The following TRPC7 variants were observed in gnomAD, a reference collection of about 807,000 sequenced individuals.
The protein encoded by TRPC7 is transient receptor potential cation channel subfamily C member 7.
TRPC7 carries 42 observed loss-of-function variants against 90.1 expected under a neutral mutation model. The ratio of observed to expected loss-of-function variants is 0.47; its 90% CI spans 0.36 to 0.60. The LOEUF (loss-of-function observed/expected upper bound fraction) is 0.60. Ranked by LOEUF, TRPC7 falls within the 20% of genes least tolerant of loss-of-function variation. TRPC7 has a pLI of 0.00. For missense variants in TRPC7, 955 were observed against 1,112.3 expected (o/e 0.86, Z 2.01); for synonymous variants, 451 against 436.3 (o/e 1.03, Z -0.42).
chr5:136,365,262 G>T lies in TRPC7; in HGVS notation c.-8C>A. The T allele has an allele frequency of 6.5e-7, 1 of 1,537,174 alleles. No homozygotes were observed. Among genetic ancestry groups the T allele is most frequent in the Non-Finnish European group, 8.7e-7 (1 of 1,146,856 alleles). On this transcript the variant is annotated 5_prime_UTR_variant, in exon 1 of 12. Transcript: ENST00000513104. ...CATCATAGCTGCTTACATTGAGGGTGTAATACGCAGGCTTGTTCCTCCTCT... is the reference window on the plus strand; with the variant it reads ...CATCATAGCTGCTTACATTGAGGGTTTAATACGCAGGCTTGTTCCTCCTCT...
chr5:136,215,162 T>C (rs1755223228), intron 11 of TRPC7, among the ~76,000 whole-genome samples: 1 of 152,044 alleles, frequency 6.6e-6, no homozygotes, highest in Admixed American at 6.6e-5. Flanking sequence ...GCTGAGAACC[T>C]CCCACTGAGA....
At chr5:136,348,090 T>C (rs1760068952) in intron 2 of TRPC7, among the ~76,000 whole-genome samples, 1 of 152,218 alleles carries the variant, frequency 6.6e-6, no homozygotes, top group South Asian at 2.1e-4. Context: ...TCTTGTGCTC[T>C]CCAGTCCATT....
Position 136,237,729 on chromosome 5 carries a change from A to C in TRPC7, c.1845-6180T>G, listed in dbSNP as rs376037234. Among the ~76,000 whole-genome samples, 4 of 152,350 alleles carry C rather than the reference A, an allele frequency of 2.6e-5. No individual in the cohort carries two copies. In the East Asian group the frequency reaches 7.7e-4, roughly 29 times the overall value. On this transcript the variant is annotated intron_variant, in intron 7 of 11. Coordinates refer to ENST00000513104, the MANE Select transcript of TRPC7 (RefSeq NM_020389.3). ...TAATGGAATGCTTGTGAAATGCATAAATTACTGCCTGGCACATACTAATTG... is the reference window on the plus strand; with the variant it reads ...TAATGGAATGCTTGTGAAATGCATACATTACTGCCTGGCACATACTAATTG...
At chr5:136,281,590 GC>G (rs1757551567) in intron 3 of TRPC7, among the ~76,000 whole-genome samples, 1 of 152,188 alleles carries the variant, frequency 6.6e-6, no homozygotes, top group African/African-American at 2.4e-5. Flanking sequence ...TGGTGGCTGT[GC>G]TGTGCCTTGG....
Position 136,251,753 on chromosome 5 carries a change from G to T in TRPC7, c.1475C>A (p.Ala492Asp). Residue 492 changes from alanine (A) to aspartate (D), a missense_variant, in exon 6 of 12, where the codon GCC becomes GAC. This residue lies in a region of TRPC7 where 484 missense variants were observed against 509.6 expected (regional missense o/e 0.95). Coordinates refer to ENST00000513104, the MANE Select transcript of TRPC7 (RefSeq NM_020389.3). ...CTGTGCCTCCGTGGCCTTCAGGAAG[G>T]CCATGAAGCGTGCTGTGAAGGAGGC... ...FVASFTARFM[A>D]FLKATEAQLY... The T allele has an allele frequency of 6.2e-7, 1 of 1,613,962 alleles. No individual in the cohort carries two copies. Among genetic ancestry groups the T allele is most frequent in the South Asian group, 1.1e-5 (1 of 91,064 alleles).
intron 3 of TRPC7, among the ~76,000 whole-genome samples, chr5:136,296,524 C>T (rs1041641268): frequency 2.0e-4 from 31 of 152,082 alleles, no homozygotes; most frequent in African/African-American, 6.5e-4. Flanking sequence ...GAATGCTCAA[C>T]AGTAGAGAAA....
chr5:136,287,194 A>C (rs907424438), intron 3 of TRPC7, among the ~76,000 whole-genome samples: 3 of 152,010 alleles, frequency 2.0e-5, no homozygotes, highest in East Asian at 3.9e-4. Context: ...ATCATAGAAG[A>C]ATGAGTGACG....
At chr5:136,228,180 G>A (rs375324752) in intron 8 of TRPC7, among the ~76,000 whole-genome samples, 2 of 152,158 alleles carry the variant, frequency 1.3e-5, no homozygotes, top group Admixed American at 1.3e-4. Context: ...AGAGCTGGAG[G>A]AGGGTCTAGG....
chr5:136,335,692 A>AC (rs1759634759), intron 2 of TRPC7, among the ~76,000 whole-genome samples: 2 of 151,876 alleles, frequency 1.3e-5, no homozygotes, highest in African/African-American at 4.8e-5. Context: ...TCACGAGGTC[A>AC]GGAGATCGAG....
chr5:136,329,727 G>A (rs749147231), intron 2 of TRPC7, among the ~76,000 whole-genome samples: 5 of 152,134 alleles, frequency 3.3e-5, no homozygotes, highest in Non-Finnish European at 7.3e-5. Flanking sequence ...TCATAAATAG[G>A]CGTGGATATG....
chr5:136,236,144 G>A (rs1755971086), intron 7 of TRPC7, among the ~76,000 whole-genome samples: 1 of 152,216 alleles, frequency 6.6e-6, no homozygotes, highest in Non-Finnish European at 1.5e-5. Flanking sequence ...ACCAGGCGAT[G>A]AGGATACACA....
chr5:136,308,169 T>C (rs2149835598), intron 3 of TRPC7, among the ~76,000 whole-genome samples: 1 of 152,332 alleles, frequency 6.6e-6, no homozygotes, highest in Admixed American at 6.5e-5. Context: ...AATTCTTCTT[T>C]CTCTTCGGAA....
intron 10 of TRPC7, among the ~76,000 whole-genome samples, chr5:136,218,695 C>G (rs1427060163): frequency 6.6e-6 from 1 of 152,146 alleles, no homozygotes; most frequent in Non-Finnish European, 1.5e-5. Context: ...CTCTATTTGG[C>G]TGGGATAGGT....
At chr5:136,346,560 A>G (rs1012889290) in intron 2 of TRPC7, among the ~76,000 whole-genome samples, 3 of 152,196 alleles carry the variant, frequency 2.0e-5, no homozygotes, top group Admixed American at 2.0e-4. Flanking sequence ...ATGTACACAT[A>G]CACACAACAC....
chr5:136,267,029 A>G (rs1237571341), intron 4 of TRPC7, among the ~76,000 whole-genome samples: 4 of 152,206 alleles, frequency 2.6e-5, no homozygotes, highest in African/African-American at 7.2e-5. Flanking sequence ...TTCCAGACAT[A>G]GAGGACTTTT....
intron 8 of TRPC7, chr5:136,226,493 A>G (rs1755636130): frequency 3.7e-6 from 2 of 539,502 alleles, no homozygotes; most frequent in Admixed American, 7.0e-5. Context: ...CGACCAGTTC[A>G]TATTAACCGC....
At chr5:136,309,232 G>T (rs1310475719) in intron 3 of TRPC7, among the ~76,000 whole-genome samples, 1 of 152,222 alleles carries the variant, frequency 6.6e-6, no homozygotes, top group Non-Finnish European at 1.5e-5. Flanking sequence ...GGGAACTGAG[G>T]TTTATGGAGG....
chr5:136,236,345 G>T (rs546885088), intron 7 of TRPC7, among the ~76,000 whole-genome samples: 1 of 152,206 alleles, frequency 6.6e-6, no homozygotes, highest in African/African-American at 2.4e-5. Flanking sequence ...TAATTCAGCT[G>T]CTTGTTTTCT....
chr5:136,236,537 AAAG>A (rs1283541165), intron 7 of TRPC7, among the ~76,000 whole-genome samples: 1 of 152,192 alleles, frequency 6.6e-6, no homozygotes, highest in Non-Finnish European at 1.5e-5. Flanking sequence ...CTAATGAAGT[AAAG>A]GAGGAAAAGT....
Sources: gnomAD v4.1 joint callset for allele counts (sites outside exome capture counted in the v4.1 genomes callset) on GRCh38, gnomAD v4.1.1 for gene constraint, gnomAD v4.1.1 regional missense constraint, MANE v1.5 for transcripts, NCBI Gene and HGNC (gene_info 2026-07-23, HGNC 2026-07-21) for gene names.